TAFA2: variants seen among roughly 807,000 people sequenced by gnomAD.
TAFA2 encodes TAFA chemokine like family member 2.
A neutral mutation model predicts 18.8 loss-of-function variants in TAFA2; 7 were observed. The ratio of observed to expected loss-of-function variants is 0.37; its 90% confidence interval spans 0.21 to 0.70. The LOEUF (loss-of-function observed/expected upper bound fraction) is 0.70. TAFA2 is among the 30% of genes least tolerant of loss of function. TAFA2 has a pLI of 0.53. For synonymous variants in TAFA2, 60 were observed against 54.2 expected, an observed-to-expected ratio of 1.11 and a Z score of -0.47; for missense variants, 122 against 158.1, an observed-to-expected ratio of 0.77 and a Z score of 1.23.
At chr12:61,927,735 G>C (rs1262574872) in intron 1 of TAFA2, among the ~76,000 whole-genome samples, 1 of 152,162 alleles carries the variant, frequency 6.6e-6, no homozygotes, top group African/African-American at 2.4e-5. Context: ...AAAGCTGGAG[G>C]CATCATGCCA....
chr12:62,147,247 TA>T (rs1187135596), intron 1 of TAFA2, among the ~76,000 whole-genome samples: 1 of 146,972 alleles, frequency 6.8e-6, no homozygotes, highest in Non-Finnish European at 1.5e-5. Flanking sequence ...TATATATGTA[TA>T]TATGTATGTG....
intron 1 of TAFA2, among the ~76,000 whole-genome samples, chr12:62,120,514 T>C (rs1053881752): frequency 6.6e-6 from 1 of 152,206 alleles, no homozygotes; most frequent in African/African-American, 2.4e-5. Context: ...ACTAACATAT[T>C]TGATGAAGAC....
chr12:62,044,115 C>T (rs1335496628), intron 1 of TAFA2, among the ~76,000 whole-genome samples: 1 of 151,878 alleles, frequency 6.6e-6, no homozygotes, highest in Non-Finnish European at 1.5e-5. Context: ...TAACAGTATG[C>T]TCCTAAGGTA....
At chr12:62,236,833 C>G (rs1444414293) in intron 1 of TAFA2, among the ~76,000 whole-genome samples, 2 of 152,076 alleles carry the variant, frequency 1.3e-5, no homozygotes, top group Non-Finnish European at 2.9e-5. Context: ...AAAATGAGCT[C>G]CTTTATTTGT....
intron 1 of TAFA2, among the ~76,000 whole-genome samples, chr12:62,158,052 G>A (rs2062383649): frequency 6.6e-6 from 1 of 152,014 alleles, no homozygotes; most frequent in African/African-American, 2.4e-5. Flanking sequence ...GATAGTCATA[G>A]GTTAAATCAC....
intron 1 of TAFA2, among the ~76,000 whole-genome samples, chr12:62,119,614 G>A (rs776770155): frequency 5.3e-5 from 8 of 152,066 alleles, no homozygotes; most frequent in Non-Finnish European, 8.8e-5. Flanking sequence ...TCTTTTGAAC[G>A]CTGCTTTAAA....
intron 2 of TAFA2, among the ~76,000 whole-genome samples, chr12:61,758,791 T>A (rs529879252): frequency 2.2e-4 from 34 of 152,014 alleles, no homozygotes; most frequent in African/African-American, 7.9e-4. Context: ...AGATGATAGA[T>A]TTCTGGGGAT....
intron 4 of TAFA2, among the ~76,000 whole-genome samples, chr12:61,740,498 A>G (rs150693984): frequency 0.022 from 3,289 of 152,084 alleles, 46 homozygotes; most frequent in Middle Eastern, 0.037. Context: ...AAGTCTAAAA[A>G]CAAATAAAAA....
intron 2 of TAFA2, among the ~76,000 whole-genome samples, chr12:61,845,719 A>G (rs1414350071): frequency 6.6e-6 from 1 of 152,176 alleles, no homozygotes; most frequent in Admixed American, 6.6e-5. Context: ...TTACAGCCAC[A>G]TATTTTAATG....
At chr12:61,929,871 T>C (rs1236062595) in intron 1 of TAFA2, among the ~76,000 whole-genome samples, 1 of 152,046 alleles carries the variant, frequency 6.6e-6, no homozygotes, top group Non-Finnish European at 1.5e-5. Flanking sequence ...TGGATGAAGC[T>C]GGAAACCATC....
chr12:61,939,286 T>C (rs1428549869), intron 1 of TAFA2, among the ~76,000 whole-genome samples: 1 of 152,204 alleles, frequency 6.6e-6, no homozygotes, highest in Non-Finnish European at 1.5e-5. Flanking sequence ...TACTCTTAAT[T>C]TATATTGTCA....
intron 1 of TAFA2, among the ~76,000 whole-genome samples, chr12:62,151,446 A>G (rs1019052482): frequency 1.3e-5 from 2 of 152,346 alleles, no homozygotes; most frequent in South Asian, 4.1e-4. Context: ...TATAAAAAGG[A>G]AGGTCTTCTT....
chr12:62,176,095 A>G (rs537118236), intron 1 of TAFA2, among the ~76,000 whole-genome samples: 2 of 152,164 alleles, frequency 1.3e-5, no homozygotes, highest in Non-Finnish European at 2.9e-5. Context: ...ATATTACACC[A>G]TCATATTACC....
intron 1 of TAFA2, among the ~76,000 whole-genome samples, chr12:62,058,973 G>C (rs913075342): frequency 6.6e-6 from 1 of 152,160 alleles, no homozygotes. Context: ...CGTGGTGGCG[G>C]GCGCCTGTAG....
At chr12:62,129,220 G>T (rs1288339168) in intron 1 of TAFA2, among the ~76,000 whole-genome samples, 1 of 151,902 alleles carries the variant, frequency 6.6e-6, no homozygotes, top group Non-Finnish European at 1.5e-5. Flanking sequence ...AAAAATAAAA[G>T]CATAGTACAC....
At chr12:62,074,605 A>C (rs1248995572) in intron 1 of TAFA2, among the ~76,000 whole-genome samples, 1 of 152,146 alleles carries the variant, frequency 6.6e-6, no homozygotes, top group African/African-American at 2.4e-5. Context: ...CATGATCTTC[A>C]ACCATCAAAT....
At chr12:61,979,982 C>A (rs1207338818) in intron 1 of TAFA2, among the ~76,000 whole-genome samples, 1 of 152,254 alleles carries the variant, frequency 6.6e-6, no homozygotes, top group East Asian at 1.9e-4. Context: ...TAAAACTATA[C>A]CTTAAAATAT....
intron 1 of TAFA2, among the ~76,000 whole-genome samples, chr12:62,120,619 A>C (rs186440776): frequency 1.3e-5 from 2 of 152,164 alleles, no homozygotes; most frequent in African/African-American, 4.8e-5. Flanking sequence ...ACTCCAGCCT[A>C]CTCAGTTACT....
chr12:61,820,585 A>G (rs1006484449), intron 2 of TAFA2, among the ~76,000 whole-genome samples: 16 of 151,972 alleles, frequency 1.1e-4, no homozygotes, highest in Admixed American at 4.6e-4. Flanking sequence ...GGAAGAGGAA[A>G]AAAAGAAATA....
Sources: gnomAD v4.1 joint callset for allele counts (sites outside exome capture counted in the v4.1 genomes callset) on GRCh38, gnomAD v4.1.1 for gene constraint, MANE v1.5 for transcripts, NCBI Gene and HGNC (gene_info 2026-07-23, HGNC 2026-07-21) for gene names.